GPR176: variants seen among roughly 807,000 people sequenced by gnomAD.
GPR176 encodes the protein G protein-coupled receptor 176, also known as G-protein coupled receptor 176.
Under a neutral mutation model 35.4 loss-of-function variants are expected in GPR176, and 26 were observed. The observed-to-expected ratio is 0.74, with a 90% confidence interval of 0.54 to 1.02. The LOEUF (loss-of-function observed/expected upper bound fraction) is 1.02, where lower values mean the gene tolerates loss of function less well. Among genes scored for constraint, GPR176 ranks in the 50% least tolerant of loss-of-function variants. GPR176 has a pLI of 0.00. For synonymous variants in GPR176, 278 were observed against 271.3 expected (o/e 1.02, Z -0.24); for missense variants, 597 against 665.3 (o/e 0.90, Z 1.13).
Position 39,801,010 on chromosome 15 carries a change from T to G in GPR176, c.*122A>C. ...CTATCATTCAAAAGCATCTGGCCCA[T>G]ATTGGAGGAATCAACTCACACTGAG... On this transcript the variant is annotated 3_prime_UTR_variant, in exon 3 of 3. Coordinates refer to ENST00000561100, the MANE Select transcript of GPR176 (RefSeq NM_007223.3). 2.5e-6 allele frequency: 2 copies of G among 792,252 alleles called. No homozygotes were observed. Among genetic ancestry groups the G allele is most frequent in the Non-Finnish European group, 2.1e-6 (1 of 482,250 alleles). The allele number at this position is 792,252 out of a possible 1,614,324, so 49.1% of individuals were successfully genotyped here.
chr15:39,897,599 A>ATTTTTTTTTTTTTTTTTTTT (rs386382791), intron 1 of GPR176, among the ~76,000 whole-genome samples: 1 of 88,522 alleles, frequency 1.1e-5, no homozygotes, highest in African/African-American at 4.5e-5. Flanking sequence ...ACATCCAAAT[A>ATTTTTTTTTTTTTTTTTTTT]TTTTTTTTTT....
chr15:39,905,575 C>G (rs1049573989), intron 1 of GPR176, among the ~76,000 whole-genome samples: 3 of 151,782 alleles, frequency 2.0e-5, no homozygotes, highest in African/African-American at 4.8e-5. Flanking sequence ...GCCTGGGTGA[C>G]AGTAAGACCC....
At chr15:39,820,115 T>C (rs894331211) in intron 1 of GPR176, among the ~76,000 whole-genome samples, 1 of 152,168 alleles carries the variant, frequency 6.6e-6, no homozygotes, top group African/African-American at 2.4e-5. Context: ...AGACCTCCTG[T>C]GTGTCCTTCA....
intron 1 of GPR176, among the ~76,000 whole-genome samples, chr15:39,852,103 T>C (rs2030915291): frequency 1.3e-5 from 2 of 152,172 alleles, no homozygotes; most frequent in Non-Finnish European, 2.9e-5. Context: ...TCTGGTCTAG[T>C]GTTTCCTGCT....
intron 1 of GPR176, among the ~76,000 whole-genome samples, chr15:39,899,455 G>A (rs935174837): frequency 1.3e-5 from 2 of 152,208 alleles, no homozygotes; most frequent in Admixed American, 1.3e-4. Context: ...AAGATGCCTA[G>A]CAGATTCTTT....
rs774640471 is a variant in GPR176, at chr15:39,801,222, C to A, written c.1458G>T (p.Leu486=). 9 of 1,614,110 alleles carry A rather than the reference C, an allele frequency of 5.6e-6. No homozygotes were observed. Among genetic ancestry groups the A allele is most frequent in the Admixed American group, 3.3e-5 (2 of 60,012 alleles). ...CTACCTTGGGCACCTTTGTCTGGAT[C>A]AGCTCTTCTGGGGTGTTGCCCAAGG... ...LPPLGNTPEE[L]IQTKVPKVGR... The change falls in exon 3 of 3, where the codon CTG becomes CTT. Residue 486 remains leucine (L), a synonymous_variant. Coordinates refer to ENST00000561100, the MANE Select transcript of GPR176 (RefSeq NM_007223.3).
intron 1 of GPR176, among the ~76,000 whole-genome samples, chr15:39,868,947 T>C (rs1390418941): frequency 6.6e-6 from 1 of 151,154 alleles, no homozygotes; most frequent in East Asian, 1.9e-4. Flanking sequence ...ATGGGCTTGC[T>C]AGTGAAGTAA....
chr15:39,840,107 T>C (rs1901651612), intron 1 of GPR176, among the ~76,000 whole-genome samples: 1 of 152,184 alleles, frequency 6.6e-6, no homozygotes, highest in African/African-American at 2.4e-5. Context: ...AGAAATACCA[T>C]TTGAACCAGT....
intron 1 of GPR176, among the ~76,000 whole-genome samples, chr15:39,903,493 CAG>C (rs796246324): frequency 1.4e-4 from 21 of 151,902 alleles, no homozygotes; most frequent in African/African-American, 4.8e-4. Flanking sequence ...ACCAGACAAA[CAG>C]GGAGAAGAAA....
intron 1 of GPR176, among the ~76,000 whole-genome samples, chr15:39,910,090 AGG>A (rs1201542589): frequency 6.6e-6 from 1 of 152,244 alleles, no homozygotes; most frequent in Admixed American, 6.5e-5. Flanking sequence ...GCTAGGAGGA[AGG>A]GATGTGCTGA....
chr15:39,906,676 G>A (rs169329), intron 1 of GPR176, among the ~76,000 whole-genome samples: 58,534 of 152,018 alleles, frequency 0.39, 11,498 homozygotes, highest in African/African-American at 0.44. Context: ...TTGTCCCTCC[G>A]GATATCTGGC....
rs541132901 is a variant in GPR176, at chr15:39,809,230, C to T, written c.173-1972G>A. 9.9e-5 allele frequency among the ~76,000 whole-genome samples: 15 copies of T among 152,278 alleles called. No individual in the cohort carries two copies. The East Asian group carries it at 2.9e-3, about 29-fold the overall frequency. On this transcript the variant is annotated intron_variant, in intron 1 of 2. Coordinates refer to ENST00000561100, the MANE Select transcript of GPR176 (RefSeq NM_007223.3). Reference sequence around the variant, plus strand: ...ATTAAGAACCTGAGGCTAAATAGTCCTATGTTCTTTCCATTCTCTAAACCT... The same window carrying T: ...ATTAAGAACCTGAGGCTAAATAGTCTTATGTTCTTTCCATTCTCTAAACCT...
rs16969863 is a variant in GPR176, at chr15:39,807,422, A to C, written c.173-164T>G. 7.3e-3 allele frequency: 5,310 copies of C among 723,852 alleles called. 203 individuals carry two copies. In the African/African-American group the frequency reaches 0.077, roughly 11 times the overall value. 44.8% of individuals were successfully genotyped at this position (723,852 alleles called of 1,614,324 possible). A position where few individuals can be genotyped will look rare whatever the true frequency, so the allele number is the denominator to read the frequency against. On this transcript the variant is annotated intron_variant, in intron 1 of 2. Transcript: ENST00000561100. The stretch of plus-strand genomic sequence containing the variant: ...AAATTTAACATATATGATACATTAC[A>C]GTCAATTTATGTGAAATTATTAAAT...
At chr15:39,873,598 A>C (rs1167155123) in intron 1 of GPR176, among the ~76,000 whole-genome samples, 1 of 150,436 alleles carries the variant, frequency 6.6e-6, no homozygotes, top group Non-Finnish European at 1.5e-5. Context: ...GAAATTAACC[A>C]GCCATGGGCT....
chr15:39,895,056 C>T (rs377245275), intron 1 of GPR176, among the ~76,000 whole-genome samples: 1 of 152,226 alleles, frequency 6.6e-6, no homozygotes, highest in Admixed American at 6.5e-5. Flanking sequence ...TAGCGAAACC[C>T]GGTCTCCACC....
intron 1 of GPR176, among the ~76,000 whole-genome samples, chr15:39,913,699 C>T (rs812197): frequency 0.52 from 79,067 of 151,940 alleles, 20,710 homozygotes; most frequent in Admixed American, 0.58. Flanking sequence ...ATGATAAAAA[C>T]CTTCTGGAAT....
intron 2 of GPR176, among the ~76,000 whole-genome samples, chr15:39,805,253 C>A (rs1165524143): frequency 6.6e-6 from 1 of 152,102 alleles, no homozygotes; most frequent in Admixed American, 6.5e-5. Flanking sequence ...TCTGACTTCA[C>A]TCTTATATTC....
chr15:39,830,320 G>A lies in GPR176; in HGVS notation c.173-23062C>T, dbSNP rs1566943926. ...AAAAATAAACAAGACAAAATCTCAA[G>A]GAGTTGACAAACGAGTTTGACATAT... On this transcript the variant is annotated intron_variant, in intron 1 of 2. Coordinates refer to ENST00000561100, the MANE Select transcript of GPR176 (RefSeq NM_007223.3). Among the ~76,000 whole-genome samples the A allele has an allele frequency of 3.3e-5, 5 of 152,204 alleles. 1 individual carries two copies. The East Asian group carries it at 9.6e-4, about 29-fold the overall frequency.
chr15:39,877,314 C>T (rs1044833457), intron 1 of GPR176, among the ~76,000 whole-genome samples: 3 of 152,172 alleles, frequency 2.0e-5, no homozygotes, highest in African/African-American at 7.2e-5. Flanking sequence ...ACCCCAGCCA[C>T]ACTGATACGT....
Sources: gnomAD v4.1 joint callset for allele counts (sites outside exome capture counted in the v4.1 genomes callset) on GRCh38, gnomAD v4.1.1 for gene constraint, MANE v1.5 for transcripts, NCBI Gene and HGNC (gene_info 2026-07-23, HGNC 2026-07-21) for gene names.